The following NCKAP5 variants were observed in gnomAD, a reference collection of about 807,000 sequenced individuals.
NCKAP5 encodes NCK associated protein 5, also known as nck-associated protein 5.
In NCKAP5, 92 loss-of-function variants were observed where a neutral mutation model predicts 167.0. The observed-to-expected ratio is 0.55, with a 90% confidence interval of 0.47 to 0.66. The LOEUF (loss-of-function observed/expected upper bound fraction) is 0.66, where lower values mean the gene tolerates loss of function less well. NCKAP5 is among the 30% of genes least tolerant of loss of function. The pLI is 0.00. For synonymous variants in NCKAP5, 891 were observed against 877.4 expected, an observed-to-expected ratio of 1.02 and a Z score of -0.27; for missense variants, 2,378 against 2,315.0, an observed-to-expected ratio of 1.03 and a Z score of -0.56.
intron 9 of NCKAP5, among the ~76,000 whole-genome samples, chr2:132,877,209 A>G (rs1691349317): frequency 6.6e-6 from 1 of 152,064 alleles, no homozygotes; most frequent in South Asian, 2.1e-4. Flanking sequence ...GAGTCAACTA[A>G]CTTTAGTGTT....
At chr2:133,163,593 A>T (rs1458207026) in intron 5 of NCKAP5, among the ~76,000 whole-genome samples, 1 of 152,212 alleles carries the variant, frequency 6.6e-6, no homozygotes, top group Non-Finnish European at 1.5e-5. Context: ...GGAACTCAAA[A>T]ATGCGTAACT....
At chr2:132,861,653 G>A (rs1342284901) in intron 10 of NCKAP5, among the ~76,000 whole-genome samples, 1 of 151,948 alleles carries the variant, frequency 6.6e-6, no homozygotes, top group Non-Finnish European at 1.5e-5. Flanking sequence ...GCCCATATTT[G>A]GCTCTTTGAT....
At chr2:133,655,131 C>G in the NCKAP5 span, among the ~76,000 whole-genome samples, 1 of 152,156 alleles carries the variant, frequency 6.6e-6, no homozygotes, top group Non-Finnish European at 1.5e-5. Context: ...AAGAAATAGT[C>G]TCCCAAATGC....
At chr2:132,976,148 G>A (rs948355414) in intron 7 of NCKAP5, among the ~76,000 whole-genome samples, 3 of 152,154 alleles carry the variant, frequency 2.0e-5, no homozygotes, top group Non-Finnish European at 4.4e-5. Flanking sequence ...AATATCACAT[G>A]ATCTCAACTA....
chr2:133,409,297 C>T (rs1688631391), intron 3 of NCKAP5, among the ~76,000 whole-genome samples: 2 of 152,356 alleles, frequency 1.3e-5, no homozygotes, highest in African/African-American at 4.8e-5. Context: ...TCCCAGCTCT[C>T]TGTCCCTTTA....
chr2:133,503,567 C>G (rs969778293), intron 3 of NCKAP5, among the ~76,000 whole-genome samples: 2 of 152,182 alleles, frequency 1.3e-5, no homozygotes, highest in African/African-American at 4.8e-5. Context: ...CACTTATCAA[C>G]ATGGGCAGTG....
chr2:133,357,580 G>C (rs1684827826), intron 3 of NCKAP5, among the ~76,000 whole-genome samples: 1 of 152,038 alleles, frequency 6.6e-6, no homozygotes, highest in South Asian at 2.1e-4. Context: ...GGATAGAAAA[G>C]GTACAAATGG....
chr2:133,550,809 TC>T (rs1250694880), intron 2 of NCKAP5, among the ~76,000 whole-genome samples: 1 of 137,180 alleles, frequency 7.3e-6, no homozygotes, highest in African/African-American at 2.8e-5. Flanking sequence ...AGTCAAATTG[TC>T]CCTGTTTGCA....
intron 6 of NCKAP5, among the ~76,000 whole-genome samples, chr2:133,068,084 G>T (rs1281222797): frequency 6.6e-6 from 1 of 152,130 alleles, no homozygotes; most frequent in Non-Finnish European, 1.5e-5. Context: ...GCAGAGAAAG[G>T]CAAGGAGTCC....
chr2:133,027,834 T>C (rs2078749473), intron 6 of NCKAP5, among the ~76,000 whole-genome samples: 1 of 152,234 alleles, frequency 6.6e-6, no homozygotes. Flanking sequence ...GTTGCATATG[T>C]TTATATAATA....
intron 5 of NCKAP5, among the ~76,000 whole-genome samples, chr2:133,173,604 CT>C (rs944809839): frequency 2.0e-5 from 3 of 152,284 alleles, no homozygotes; most frequent in East Asian, 3.9e-4. Flanking sequence ...ACTGGTCCCC[CT>C]AACCCTGGCT....
chr2:133,458,212 T>C (rs761681943), intron 3 of NCKAP5, among the ~76,000 whole-genome samples: 2 of 152,220 alleles, frequency 1.3e-5, no homozygotes, highest in Non-Finnish European at 2.9e-5. Context: ...TAACGTTTAC[T>C]GGATTAGCGA....
chr2:133,348,484 G>A (rs13401022), intron 3 of NCKAP5, among the ~76,000 whole-genome samples: 17,359 of 151,018 alleles, frequency 0.11, 1,141 homozygotes, highest in Non-Finnish European at 0.15. Context: ...GTAGTTTTTG[G>A]AAACTATGAA....
chr2:132,858,252 C>T (rs556497715), intron 11 of NCKAP5, among the ~76,000 whole-genome samples: 4 of 152,306 alleles, frequency 2.6e-5, no homozygotes, highest in African/African-American at 9.6e-5. Flanking sequence ...ACCACATCCT[C>T]AGACATACTG....
the NCKAP5 span, among the ~76,000 whole-genome samples, chr2:133,589,483 A>C: frequency 0.66 from 99,633 of 151,436 alleles, 34,069 homozygotes; most frequent in East Asian, 0.95. Flanking sequence ...GTCCAGGGGG[A>C]TTCTGGATGC....
At position 132,722,552 on chromosome 2, in the gene NCKAP5, A is replaced by G. The variant is rs1320977770; in HGVS notation, c.5713+3075T>C. The stretch of plus-strand genomic sequence containing the variant: ...CTACACTCCCTCCCTTCCTCATCAC[A>G]TTTGGACACACAGCTTCAAATGCGG... On this transcript the variant is annotated intron_variant, in intron 19 of 19. Transcript: ENST00000409261. Among the ~76,000 whole-genome samples the G allele has an allele frequency of 2.6e-5, 4 of 152,224 alleles. No homozygotes were observed. In the Middle Eastern group the frequency reaches 0.01, roughly 388 times the overall value.
At chr2:132,988,749 A>C (rs2077369488) in intron 7 of NCKAP5, among the ~76,000 whole-genome samples, 1 of 152,208 alleles carries the variant, frequency 6.6e-6, no homozygotes, top group Non-Finnish European at 1.5e-5. Context: ...ATAAAAAACA[A>C]ATGACAAAAG....
chr2:133,224,585 T>A (rs538633064), intron 4 of NCKAP5, among the ~76,000 whole-genome samples: 1 of 152,332 alleles, frequency 6.6e-6, no homozygotes, highest in Admixed American at 6.5e-5. Flanking sequence ...TTTCTCCTTT[T>A]TATTTCTACT....
chr2:132,762,439 G>A (rs997833361), intron 16 of NCKAP5, among the ~76,000 whole-genome samples: 1 of 152,200 alleles, frequency 6.6e-6, no homozygotes, highest in African/African-American at 2.4e-5. Flanking sequence ...CTTTTGGGAA[G>A]TTGAAGGAAC....
Sources: gnomAD v4.1 joint callset for allele counts (sites outside exome capture counted in the v4.1 genomes callset) on GRCh38, gnomAD v4.1.1 for gene constraint, MANE v1.5 for transcripts, NCBI Gene and HGNC (gene_info 2026-07-23, HGNC 2026-07-21) for gene names.